The following PTPN4 variants were observed in gnomAD, a reference collection of about 807,000 sequenced individuals.
PTPN4 encodes the protein protein tyrosine phosphatase non-receptor type 4, also known as tyrosine-protein phosphatase non-receptor type 4.
A neutral mutation model predicts 135.5 loss-of-function variants in PTPN4; 49 were observed. The ratio of observed to expected loss-of-function variants is 0.36; its 90% CI spans 0.29 to 0.46. The LOEUF is 0.46. Ranked by LOEUF, PTPN4 falls within the 20% of genes least tolerant of loss-of-function variation. PTPN4 has a pLI of 1.00. For missense variants in PTPN4, 860 were observed against 1,101.0 expected (o/e 0.78, Z 3.10); for synonymous variants, 333 against 369.9 (o/e 0.90, Z 1.14).
intron 14 of PTPN4, among the ~76,000 whole-genome samples, chr2:119,932,813 A>G (rs1678925713): frequency 6.6e-6 from 1 of 152,208 alleles, no homozygotes; most frequent in Non-Finnish European, 1.5e-5. Context: ...TTTCGCAGTT[A>G]AGAGTCCCTG....
chr2:119,782,615 T>A (rs1288565697), intron 1 of PTPN4, among the ~76,000 whole-genome samples: 1 of 151,278 alleles, frequency 6.6e-6, no homozygotes, highest in Non-Finnish European at 1.5e-5. Flanking sequence ...AGTAACAGAT[T>A]TAGAGTGAAT....
rs1315556923 is a variant in PTPN4 at position 119,856,047 on chromosome 2, G to A, written c.139-6489G>A. On this transcript the variant is annotated intron_variant, in intron 2 of 26. Transcript: ENST00000263708. ...TCTCGATCTCCTGACCTTGTGATCT[G>A]CCCACCTCAGCCTCCCAAAGTGCTG... is the stretch of plus-strand genomic sequence containing the variant. 9.2e-5 allele frequency among the ~76,000 whole-genome samples: 14 copies of A among 151,936 alleles called. 1 individual carries two copies. The highest frequency in any genetic ancestry group is 9.2e-4 in the Admixed American group (14 of 15,266).
At chr2:119,949,157 A>G (rs954025506) in intron 18 of PTPN4, among the ~76,000 whole-genome samples, 1 of 152,182 alleles carries the variant, frequency 6.6e-6, no homozygotes, top group Admixed American at 6.5e-5. Flanking sequence ...ATCTGTACAT[A>G]TTGTTGGTAA....
intron 15 of PTPN4, among the ~76,000 whole-genome samples, chr2:119,935,817 A>G (rs1027276528): frequency 1.3e-5 from 2 of 152,202 alleles, no homozygotes; most frequent in African/African-American, 2.4e-5. Flanking sequence ...TGATTGAAAT[A>G]TTGATTTGAT....
chr2:119,766,466 G>A (rs1165235560), intron 1 of PTPN4, among the ~76,000 whole-genome samples: 3 of 142,556 alleles, frequency 2.1e-5, no homozygotes, highest in East Asian at 2.0e-4. Context: ...GTGTGTGTGT[G>A]TGTGTGTGTG....
At chr2:119,838,573 GTTA>G (rs1465428072) in intron 2 of PTPN4, among the ~76,000 whole-genome samples, 5 of 152,178 alleles carry the variant, frequency 3.3e-5, no homozygotes, top group African/African-American at 1.2e-4. Flanking sequence ...CCTGGCAGTT[GTTA>G]TTGACTTAAA....
chr2:119,961,348 G>C (rs1679363293), intron 23 of PTPN4, among the ~76,000 whole-genome samples: 1 of 152,184 alleles, frequency 6.6e-6, no homozygotes, highest in Non-Finnish European at 1.5e-5. Flanking sequence ...TTATCAGGGA[G>C]ATGCAGATCA....
intron 2 of PTPN4, among the ~76,000 whole-genome samples, chr2:119,830,172 T>A (rs947439033): frequency 1.3e-5 from 2 of 152,186 alleles, no homozygotes; most frequent in Non-Finnish European, 2.9e-5. Flanking sequence ...TAATTTTAGG[T>A]CCAAACTTCA....
chr2:119,897,625 T>A (rs900408496), intron 9 of PTPN4, among the ~76,000 whole-genome samples: 3 of 152,354 alleles, frequency 2.0e-5, no homozygotes, highest in Non-Finnish European at 4.4e-5. Flanking sequence ...TGAAAATTTT[T>A]AACTTTATCT....
intron 3 of PTPN4, among the ~76,000 whole-genome samples, chr2:119,866,606 A>G (rs1677838722): frequency 6.6e-6 from 1 of 151,976 alleles, no homozygotes; most frequent in Non-Finnish European, 1.5e-5. Context: ...CACTACTCTA[A>G]CCCAGTATGC....
intron 2 of PTPN4, among the ~76,000 whole-genome samples, chr2:119,851,189 G>A (rs1677585574): frequency 6.6e-6 from 1 of 152,058 alleles, no homozygotes; most frequent in Non-Finnish European, 1.5e-5. Context: ...TTTTGGGGAG[G>A]TTTGCTTTGA....
intron 2 of PTPN4, among the ~76,000 whole-genome samples, chr2:119,839,927 T>A (rs1387332379): frequency 1.3e-5 from 2 of 152,174 alleles, no homozygotes; most frequent in Non-Finnish European, 2.9e-5. Flanking sequence ...TTCCTTCCAG[T>A]GGAAAGTATG....
chr2:119,956,104 A>G (rs1679277654), intron 20 of PTPN4, among the ~76,000 whole-genome samples: 1 of 152,122 alleles, frequency 6.6e-6, no homozygotes, highest in African/African-American at 2.4e-5. Flanking sequence ...TTTCAGACAG[A>G]TCATTATATC....
intron 1 of PTPN4, among the ~76,000 whole-genome samples, chr2:119,796,514 T>C (rs1022308867): frequency 6.6e-6 from 1 of 152,194 alleles, no homozygotes; most frequent in Non-Finnish European, 1.5e-5. Context: ...TAGACTTGTC[T>C]ATGTTGTTGC....
At chr2:119,916,870 C>G (rs1159601345) in intron 11 of PTPN4, among the ~76,000 whole-genome samples, 1 of 152,210 alleles carries the variant, frequency 6.6e-6, no homozygotes, top group Non-Finnish European at 1.5e-5. Flanking sequence ...TGGTATTCCT[C>G]TGAATGACTA....
At chr2:119,969,551 T>G (rs1280516324) in intron 26 of PTPN4, among the ~76,000 whole-genome samples, 1 of 94,130 alleles carries the variant, frequency 1.1e-5, no homozygotes, top group East Asian at 3.1e-4. Flanking sequence ...GTAATCAATT[T>G]CTTTTTTTTT....
At chr2:119,790,438 G>A (rs1040085748) in intron 1 of PTPN4, among the ~76,000 whole-genome samples, 3 of 151,974 alleles carry the variant, frequency 2.0e-5, no homozygotes, top group Admixed American at 6.5e-5. Flanking sequence ...TACAATAAGA[G>A]TAAAACTTAT....
intron 1 of PTPN4, among the ~76,000 whole-genome samples, chr2:119,770,878 C>CTTT (rs11302568): frequency 5.8e-5 from 8 of 138,972 alleles, no homozygotes; most frequent in Non-Finnish European, 9.4e-5. Flanking sequence ...AAGGGTCTAA[C>CTTT]TTTTTTTTTT....
intron 1 of PTPN4, among the ~76,000 whole-genome samples, chr2:119,803,336 T>A (rs1156305037): frequency 6.6e-6 from 1 of 152,194 alleles, no homozygotes; most frequent in African/African-American, 2.4e-5. Context: ...CTGTCAGCAC[T>A]GCTTAAATCA....
Sources: gnomAD v4.1 joint callset for allele counts (sites outside exome capture counted in the v4.1 genomes callset) on GRCh38, gnomAD v4.1.1 for gene constraint, MANE v1.5 for transcripts, NCBI Gene and HGNC (gene_info 2026-07-23, HGNC 2026-07-21) for gene names.